OPCML: variants seen among roughly 807,000 people sequenced by gnomAD.
OPCML encodes opioid binding protein/cell adhesion molecule like.
Under a neutral mutation model 37.8 loss-of-function variants are expected in OPCML, and 13 were observed. That is an observed-to-expected ratio of 0.34 (90% CI 0.22 to 0.55). The LOEUF (loss-of-function observed/expected upper bound fraction) is 0.55, where lower values mean the gene tolerates loss of function less well. Ranked by LOEUF, OPCML falls within the 20% of genes least tolerant of loss-of-function variation. OPCML has a pLI of 0.91. For synonymous variants in OPCML, 176 were observed against 168.8 expected (o/e 1.04, Z -0.33); for missense variants, 341 against 435.6 (o/e 0.78, Z 1.93).
At chr11:132,692,686 C>T (rs114905070) in intron 2 of OPCML, among the ~76,000 whole-genome samples, 4 of 152,272 alleles carry the variant, frequency 2.6e-5, no homozygotes, top group East Asian at 3.9e-4. Context: ...TTTCATCCCA[C>T]GTGGTTAGAA....
At chr11:132,432,205 T>C (rs2095999401) in intron 7 of OPCML, among the ~76,000 whole-genome samples, 1 of 152,164 alleles carries the variant, frequency 6.6e-6, no homozygotes, top group African/African-American at 2.4e-5. Flanking sequence ...ATAAATATAG[T>C]ACTTACTTCA....
Position 132,807,477 on chromosome 11 carries a change from C to T in OPCML, c.146+135449G>A, listed in dbSNP as rs190460556. Reference sequence around the variant, plus strand: ...CATTCTATAAAAAAATCTGTAAGTCCCATTTCACTTCAAAGAATAAAATTT... The same window carrying T: ...CATTCTATAAAAAAATCTGTAAGTCTCATTTCACTTCAAAGAATAAAATTT... On this transcript the variant is annotated intron_variant, in intron 2 of 7. Transcript: ENST00000524381. Among the ~76,000 whole-genome samples the T allele has an allele frequency of 2.6e-5, 4 of 152,258 alleles. No individual in the cohort carries two copies. The East Asian group carries it at 7.7e-4, about 29-fold the overall frequency.
Position 133,211,465 on chromosome 11 carries a change from A to G in OPCML, c.62-268455T>C, listed in dbSNP as rs1939355732. Among the ~76,000 whole-genome samples, 1 of 152,226 alleles carries G rather than the reference A, an allele frequency of 6.6e-6. No homozygotes were observed. Among genetic ancestry groups the G allele is most frequent in the Non-Finnish European group, 1.5e-5 (1 of 68,040 alleles). On this transcript the variant is annotated intron_variant, in intron 1 of 7. Coordinates refer to ENST00000524381, the MANE Select transcript of OPCML (RefSeq NM_001012393.5). This position sits in a 1 kb window ranked among gnomAD's most constrained non-coding sequence, Gnocchi z 4.1. ...GCACTACAATAAGACATTGTCAATCAGCAGCCTTGAGTCCTTGGAGATACC... is the reference window on the plus strand; with the variant it reads ...GCACTACAATAAGACATTGTCAATCGGCAGCCTTGAGTCCTTGGAGATACC...
chr11:133,178,657 G>A (rs534312198), intron 1 of OPCML, among the ~76,000 whole-genome samples: 16 of 152,190 alleles, frequency 1.1e-4, no homozygotes, highest in African/African-American at 3.6e-4. Flanking sequence ...TGTGTGTCCT[G>A]AGCATGAATC....
At chr11:133,465,649 A>T (rs569772548) in intron 1 of OPCML, among the ~76,000 whole-genome samples, 1 of 152,260 alleles carries the variant, frequency 6.6e-6, no homozygotes, top group African/African-American at 2.4e-5. Flanking sequence ...AAGAAGGGGT[A>T]TATTTGGTAG....
intron 1 of OPCML, among the ~76,000 whole-genome samples, chr11:133,158,107 T>G (rs1391504419): frequency 6.6e-6 from 1 of 152,206 alleles, no homozygotes; most frequent in Non-Finnish European, 1.5e-5. Context: ...AGAGATGCAT[T>G]TCCCAGCAGT....
chr11:133,415,035 T>A (rs1319363836), intron 1 of OPCML, among the ~76,000 whole-genome samples: 1 of 152,166 alleles, frequency 6.6e-6, no homozygotes, highest in Non-Finnish European at 1.5e-5. Context: ...TTCTAAGTAC[T>A]GAGAGAGATG....
chr11:132,780,121 C>T (rs537408266), intron 2 of OPCML, among the ~76,000 whole-genome samples: 5 of 152,320 alleles, frequency 3.3e-5, no homozygotes, highest in South Asian at 2.1e-4. Flanking sequence ...CAAAACACAT[C>T]GTCAGGTCTT....
chr11:132,648,672 T>C (rs1003592752), intron 3 of OPCML, among the ~76,000 whole-genome samples: 3 of 152,124 alleles, frequency 2.0e-5, no homozygotes, highest in Non-Finnish European at 4.4e-5. Flanking sequence ...CAGCTAATTT[T>C]TTCTGGCTAC....
chr11:132,741,523 G>C (rs1945432507), intron 2 of OPCML, among the ~76,000 whole-genome samples: 1 of 151,994 alleles, frequency 6.6e-6, no homozygotes, highest in South Asian at 2.1e-4. Context: ...ACTGAGAATT[G>C]TTATGAGAAT....
intron 1 of OPCML, among the ~76,000 whole-genome samples, chr11:133,203,249 C>T (rs1282869653): frequency 2.0e-5 from 3 of 152,238 alleles, no homozygotes; most frequent in Admixed American, 1.3e-4. Flanking sequence ...GTTTGCTCAT[C>T]TGAAACCGGG....
intron 1 of OPCML, among the ~76,000 whole-genome samples, chr11:133,373,056 A>G (rs1417231030): frequency 2.0e-5 from 3 of 152,166 alleles, no homozygotes; most frequent in Non-Finnish European, 4.4e-5. Flanking sequence ...CAAAAAAAGA[A>G]AAGACAAAGA....
At chr11:132,928,570 T>C (rs1002538008) in intron 2 of OPCML, among the ~76,000 whole-genome samples, 4 of 151,902 alleles carry the variant, frequency 2.6e-5, no homozygotes, top group African/African-American at 9.7e-5. Context: ...CAAACAGACA[T>C]AAGATCAATA....
intron 2 of OPCML, among the ~76,000 whole-genome samples, chr11:132,790,105 G>T (rs555898850): frequency 1.2e-3 from 183 of 152,240 alleles, no homozygotes; most frequent in Non-Finnish European, 1.7e-3. Flanking sequence ...TTATCCAAAG[G>T]AAAGCAAATC....
chr11:132,974,932 A>G (rs753538140), intron 1 of OPCML, among the ~76,000 whole-genome samples: 33 of 151,598 alleles, frequency 2.2e-4, no homozygotes, highest in Non-Finnish European at 4.6e-4. Flanking sequence ...TGTTTACTCT[A>G]TACTTTCTCC....
intron 1 of OPCML, among the ~76,000 whole-genome samples, chr11:133,096,287 TA>T (rs1377046485): frequency 6.6e-6 from 1 of 152,032 alleles, no homozygotes; most frequent in East Asian, 1.9e-4. Context: ...GGTATATTAT[TA>T]TATTAAAGTT....
At position 133,519,588 on chromosome 11, in the gene OPCML, G is replaced by T. The variant is rs60656962; in HGVS notation, c.61+12676C>A. Among the ~76,000 whole-genome samples, 950 of 152,252 alleles carry T rather than the reference G, an allele frequency of 6.2e-3. 9 individuals carry two copies. Among genetic ancestry groups the T allele is most frequent in the African/African-American group, 0.022 (909 of 41,542 alleles). The stretch of plus-strand genomic sequence containing the variant: ...TTACCAGGGGAAAAAAAGCTATAAT[G>T]CATCTTCCTTGATTTCTCCCATCTC... On this transcript the variant is annotated intron_variant, in intron 1 of 7. Transcript: ENST00000524381.
At chr11:133,349,513 G>A (rs1015482087) in intron 1 of OPCML, among the ~76,000 whole-genome samples, 1 of 152,156 alleles carries the variant, frequency 6.6e-6, no homozygotes, top group African/African-American at 2.4e-5. Flanking sequence ...GGTCTATCCT[G>A]CATGGTGATA....
intron 1 of OPCML, among the ~76,000 whole-genome samples, chr11:133,391,664 CA>C (rs1365574811): frequency 1.3e-5 from 2 of 152,158 alleles, no homozygotes; most frequent in African/African-American, 4.8e-5. Context: ...CTAGAAGCTA[CA>C]GAATGCATTA....
Sources: gnomAD v4.1 joint callset for allele counts (sites outside exome capture counted in the v4.1 genomes callset) on GRCh38, gnomAD v4.1.1 for gene constraint, Gnocchi (gnomAD v3.1) non-coding constraint, MANE v1.5 for transcripts, NCBI Gene and HGNC (gene_info 2026-07-23, HGNC 2026-07-21) for gene names.